The following BFSP2 variants were observed in gnomAD, a reference collection of about 807,000 sequenced individuals.
The protein encoded by BFSP2 is beaded filament structural protein 2.
BFSP2 carries 38 observed loss-of-function variants against 44.9 expected under a neutral mutation model. The observed-to-expected ratio is 0.85, with a 90% CI of 0.65 to 1.11. The LOEUF (loss-of-function observed/expected upper bound fraction) is 1.11, where lower values mean the gene tolerates loss of function less well. Among genes scored for constraint, BFSP2 ranks in the 50% least tolerant of loss-of-function variants. The pLI is 0.00. For missense variants in BFSP2, 525 were observed against 533.0 expected, an observed-to-expected ratio of 0.99 and a Z score of 0.15; for synonymous variants, 197 against 209.9, an observed-to-expected ratio of 0.94 and a Z score of 0.53.
chr3:133,432,327 A>G (rs1467450732), intron 1 of BFSP2, among the ~76,000 whole-genome samples: 1 of 152,094 alleles, frequency 6.6e-6, no homozygotes, highest in South Asian at 2.1e-4. Context: ...TTTCGTCCTC[A>G]ATACCTTCCT....
At chr3:133,472,772 T>G (rs558728470) in intron 6 of BFSP2, among the ~76,000 whole-genome samples, 6 of 152,262 alleles carry the variant, frequency 3.9e-5, no homozygotes, top group Admixed American at 3.9e-4. Context: ...ACTAATACAT[T>G]TTCTATATGT....
At position 133,462,152 on chromosome 3, in the gene BFSP2, C is replaced by T. The variant is rs74918727; in HGVS notation, c.892-4676C>T. Among the ~76,000 whole-genome samples, 288 of 152,320 alleles carry T rather than the reference C, an allele frequency of 1.9e-3. 1 individual carries two copies. Among genetic ancestry groups the T allele is most frequent in the African/African-American group, 6.8e-3 (283 of 41,570 alleles). ...ACATTTTCTCAAGATCCTAAGGTGA[C>T]GCTCATGCGCATTTAACCTATAGTT... On this transcript the variant is annotated intron_variant, in intron 4 of 6. Transcript: ENST00000302334.
intron 1 of BFSP2, among the ~76,000 whole-genome samples, chr3:133,437,425 A>T (rs2073798270): frequency 6.6e-6 from 1 of 152,176 alleles, no homozygotes; most frequent in African/African-American, 2.4e-5. Flanking sequence ...CAGGAGGCTG[A>T]GGCAGGAGAA....
chr3:133,418,016 A>C (rs1268483526), intron 1 of BFSP2, among the ~76,000 whole-genome samples: 3 of 102,128 alleles, frequency 2.9e-5, no homozygotes, highest in African/African-American at 3.9e-5. Flanking sequence ...CATTCTACTC[A>C]CCCCTGTCCT....
chr3:133,453,795 T>C (rs1470643335), intron 4 of BFSP2, among the ~76,000 whole-genome samples: 1 of 152,256 alleles, frequency 6.6e-6, no homozygotes, highest in Non-Finnish European at 1.5e-5. Flanking sequence ...CATCAGCATC[T>C]GCTAGAACTT....
intron 1 of BFSP2, among the ~76,000 whole-genome samples, chr3:133,444,037 A>T (rs2073870670): frequency 1.3e-5 from 2 of 152,108 alleles, no homozygotes; most frequent in South Asian, 4.1e-4. Context: ...CCTCACCATC[A>T]TGGTACAAAT....
At chr3:133,415,337 C>T (rs538124642) in intron 1 of BFSP2, among the ~76,000 whole-genome samples, 2 of 121,560 alleles carry the variant, frequency 1.6e-5, no homozygotes, top group South Asian at 2.9e-4. Context: ...TCTACTCACC[C>T]GTGTCCTCTC....
intron 3 of BFSP2, among the ~76,000 whole-genome samples, chr3:133,449,932 AC>A (rs2073941178): frequency 7.1e-6 from 1 of 140,990 alleles, no homozygotes; most frequent in African/African-American, 2.7e-5. Context: ...AGGAAGACAG[AC>A]GGAAAGAAAG....
intron 1 of BFSP2, among the ~76,000 whole-genome samples, chr3:133,416,604 G>T (rs530784232): frequency 1.3e-4 from 10 of 79,012 alleles, no homozygotes; most frequent in South Asian, 4.5e-4. Flanking sequence ...ACTCACCCCT[G>T]CCATCTCCCC....
Position 133,460,408 on chromosome 3 carries a change from G to T in BFSP2, c.892-6420G>T, listed in dbSNP as rs144592504. Among the ~76,000 whole-genome samples, 291 of 152,250 alleles carry T rather than the reference G, an allele frequency of 1.9e-3. 2 individuals carry two copies. Among genetic ancestry groups the T allele is most frequent in the African/African-American group, 6.2e-3 (256 of 41,566 alleles). On this transcript the variant is annotated intron_variant, in intron 4 of 6. Coordinates refer to ENST00000302334, the MANE Select transcript of BFSP2 (RefSeq NM_003571.4). ...ACTGGACAGACCACATGAATGGGGGGACCTTAATTTGGTTTTTAAAAGATT... is the reference window on the plus strand; with the variant it reads ...ACTGGACAGACCACATGAATGGGGGTACCTTAATTTGGTTTTTAAAAGATT...
chr3:133,407,899 A>T (rs1178440827), intron 1 of BFSP2, among the ~76,000 whole-genome samples: 2 of 152,190 alleles, frequency 1.3e-5, no homozygotes, highest in African/African-American at 4.8e-5. Flanking sequence ...CCTAGATATA[A>T]AATCAAAAAT....
At chr3:133,451,176 A>C (rs2073961774) in intron 4 of BFSP2, among the ~76,000 whole-genome samples, 1 of 152,138 alleles carries the variant, frequency 6.6e-6, no homozygotes, top group Admixed American at 6.6e-5. Flanking sequence ...TACTCACTGA[A>C]GCATTATAAG....
intron 4 of BFSP2, among the ~76,000 whole-genome samples, chr3:133,451,453 G>A (rs994892521): frequency 1.1e-4 from 17 of 152,208 alleles, no homozygotes; most frequent in African/African-American, 3.9e-4. Context: ...ACTCCTCAGC[G>A]CTGCCACTGC....
chr3:133,447,901 G>A (rs1446451344), intron 2 of BFSP2, among the ~76,000 whole-genome samples: 2 of 152,190 alleles, frequency 1.3e-5, no homozygotes. Context: ...AATTAAATCA[G>A]AGTCCCCAGG....
intron 1 of BFSP2, among the ~76,000 whole-genome samples, chr3:133,446,587 T>TATATATATATAA (rs2073901098): frequency 8.2e-5 from 1 of 12,126 alleles, no homozygotes; most frequent in African/African-American, 2.6e-4. Context: ...TATATATATA[T>TATATATATATAA]ATATATATAT....
chr3:133,417,194 C>CT (rs1330287708), intron 1 of BFSP2, among the ~76,000 whole-genome samples: 4 of 139,754 alleles, frequency 2.9e-5, no homozygotes. Context: ...CTATCCACCC[C>CT]TCTAGTCACC....
chr3:133,417,585 CCA>C (rs2073551623), intron 1 of BFSP2, among the ~76,000 whole-genome samples: 1 of 135,758 alleles, frequency 7.4e-6, no homozygotes, highest in Non-Finnish European at 1.6e-5. Context: ...CTCACCCCTG[CCA>C]TCTCCCCTCT....
chr3:133,401,541 A>G (rs1389299932), intron 1 of BFSP2, among the ~76,000 whole-genome samples: 5 of 151,974 alleles, frequency 3.3e-5, no homozygotes, highest in Admixed American at 1.3e-4. Context: ...ATTTCTGCGG[A>G]GTCTGGAGCA....
chr3:133,463,443 C>T (rs1438179332), intron 4 of BFSP2, among the ~76,000 whole-genome samples: 1 of 152,248 alleles, frequency 6.6e-6, no homozygotes, highest in Admixed American at 6.5e-5. Flanking sequence ...CGTTGGCATG[C>T]TTCTGGGATC....
Sources: gnomAD v4.1 joint callset for allele counts (sites outside exome capture counted in the v4.1 genomes callset) on GRCh38, gnomAD v4.1.1 for gene constraint, MANE v1.5 for transcripts, NCBI Gene and HGNC (gene_info 2026-07-23, HGNC 2026-07-21) for gene names.